The following PALLD variants were observed in gnomAD, a reference collection of about 807,000 sequenced individuals.
The protein encoded by PALLD is palladin, cytoskeletal associated protein.
PALLD carries 61 observed loss-of-function variants against 123.5 expected under a neutral mutation model. The observed-to-expected ratio is 0.49, with a 90% CI of 0.40 to 0.61. The LOEUF is 0.61. Ranked by LOEUF, PALLD falls within the 20% of genes least tolerant of loss-of-function variation. The probability of loss-of-function intolerance (pLI) is 0.00; values close to 1 mark genes in which losing one functional copy is unlikely to be tolerated. For synonymous variants in PALLD, 465 were observed against 496.4 expected (o/e 0.94, Z 0.84); for missense variants, 1,273 against 1,377.0 (o/e 0.92, Z 1.20).
intron 19 of PALLD, among the ~76,000 whole-genome samples, 153 bp from the exon 20 acceptor site, chr4:168,924,792 T>C (rs1342690032): frequency 9.2e-5 from 14 of 152,252 alleles, no homozygotes; most frequent in Admixed American, 8.5e-4. Flanking sequence ...CCATTAACTT[T>C]AATGGAGCTA....
rs1296544119 is a variant in PALLD, at chr4:168,926,424, A to G, written c.*244A>G. ...TTAAAGCTGAAACACTGAAACAGCC[A>G]TTGCCTTGACCAACATATTCCTTTG... On this transcript the variant is annotated 3_prime_UTR_variant, in exon 22 of 22. Transcript: ENST00000505667. The G allele has an allele frequency of 6.9e-7, 1 of 1,440,818 alleles. No individual in the cohort carries two copies. Among genetic ancestry groups the G allele is most frequent in the Non-Finnish European group, 9.4e-7 (1 of 1,059,222 alleles). 89.3% of individuals were successfully genotyped at this position (1,440,818 alleles called of 1,614,324 possible). A position where few individuals can be genotyped will look rare whatever the true frequency, so the allele number is the denominator to read the frequency against.
chr4:168,621,436 G>A (rs1774752544), intron 2 of PALLD, among the ~76,000 whole-genome samples: 3 of 152,246 alleles, frequency 2.0e-5, no homozygotes, highest in Non-Finnish European at 1.5e-5. Context: ...CGCTGGGGCC[G>A]CTACGTGACA....
At chr4:168,616,840 G>A (rs1222138982) in intron 2 of PALLD, among the ~76,000 whole-genome samples, 3 of 152,146 alleles carry the variant, frequency 2.0e-5, no homozygotes, top group Non-Finnish European at 4.4e-5. Flanking sequence ...TTCTAGAATG[G>A]AGACTGGCAG....
At position 168,754,623 on chromosome 4, in the gene PALLD, A is replaced by AT. The variant is rs1689162633; in HGVS notation, c.1964+42704dup. 5.3e-5 allele frequency among the ~76,000 whole-genome samples: 8 copies of AT among 152,358 alleles called. No homozygotes were observed. In the South Asian group the frequency reaches 1.7e-3, roughly 32 times the overall value. On this transcript the variant is annotated intron_variant, in intron 10 of 21. Coordinates refer to ENST00000505667, the MANE Select transcript of PALLD (RefSeq NM_001166108.2). ...CAGTCTGAAGAAAAACAATTGTGTGATTTTAGATAAAAACAGGATTCAACC... is the reference window on the plus strand; with the variant it reads ...CAGTCTGAAGAAAAACAATTGTGTGATTTTTAGATAAAAACAGGATTCAACC...
At chr4:168,890,861 G>A (rs771654704) in intron 10 of PALLD, 61 bp from the exon 11 acceptor site, 25 of 1,580,750 alleles carry the variant, frequency 1.6e-5, no homozygotes, top group East Asian at 4.5e-5. Flanking sequence ...GGACTTGAAC[G>A]TTTGACTTGG....
intron 11 of PALLD, among the ~76,000 whole-genome samples, chr4:168,893,091 A>G (rs980534626): frequency 1.3e-5 from 2 of 152,232 alleles, no homozygotes; most frequent in African/African-American, 4.8e-5. Flanking sequence ...TAGTGGTAGC[A>G]GGTGCATTCT....
intron 10 of PALLD, among the ~76,000 whole-genome samples, chr4:168,873,865 G>T (rs1041265939): frequency 6.6e-6 from 1 of 152,158 alleles, no homozygotes; most frequent in Non-Finnish European, 1.5e-5. Flanking sequence ...GTGCCCTATG[G>T]CTTCGTGATG....
rs1451496434 is a variant in PALLD at position 168,566,292 on chromosome 4, AATTT to A, written c.908+53893_908+53896del. On this transcript the variant is annotated intron_variant, in intron 2 of 21. Coordinates refer to ENST00000505667, the MANE Select transcript of PALLD (RefSeq NM_001166108.2). ...TTTATCTATACTAATCAATTCCACTAATTTATTTATTTATTTTTAATTTTGAGAC... is the reference window on the plus strand; with the variant it reads ...TTTATCTATACTAATCAATTCCACTAATTTATTTATTTTTAATTTTGAGAC... Among the ~76,000 whole-genome samples the A allele has an allele frequency of 2.6e-5, 4 of 152,032 alleles. No individual in the cohort carries two copies. The East Asian group carries it at 5.8e-4, about 22-fold the overall frequency.
chr4:168,694,969 G>A (rs901932127), intron 8 of PALLD, among the ~76,000 whole-genome samples: 3 of 152,174 alleles, frequency 2.0e-5, no homozygotes, highest in East Asian at 1.9e-4. Context: ...TTTGACAGCT[G>A]TTAATACTCA....
chr4:168,711,024 A>G (rs987688853), intron 9 of PALLD, among the ~76,000 whole-genome samples: 41 of 152,304 alleles, frequency 2.7e-4, no homozygotes, highest in Admixed American at 1.6e-3. Flanking sequence ...CTTTCAGCCT[A>G]TTGAGGGCAA....
intron 2 of PALLD, among the ~76,000 whole-genome samples, chr4:168,583,489 G>T (rs1223941908): frequency 1.4e-4 from 22 of 152,096 alleles, no homozygotes; most frequent in Non-Finnish European, 2.9e-4. Context: ...TACTGATACT[G>T]CTGGTCTGCA....
intron 9 of PALLD, among the ~76,000 whole-genome samples, chr4:168,709,934 A>C (rs1045514016): frequency 6.6e-6 from 1 of 152,100 alleles, no homozygotes; most frequent in African/African-American, 2.4e-5. Flanking sequence ...TTGGAAAGCC[A>C]CCTCTGCATC....
chr4:168,635,518 C>T (rs1171447500), intron 2 of PALLD, among the ~76,000 whole-genome samples: 2 of 152,230 alleles, frequency 1.3e-5, no homozygotes, highest in African/African-American at 4.8e-5. Flanking sequence ...CACTCTGTGG[C>T]TCAGGTTCAT....
At chr4:168,709,920 C>T (rs1784674248) in intron 9 of PALLD, among the ~76,000 whole-genome samples, 1 of 152,066 alleles carries the variant, frequency 6.6e-6, no homozygotes, top group African/African-American at 2.4e-5. Context: ...GAATCATATT[C>T]ACATTGGAAA....
intron 2 of PALLD, among the ~76,000 whole-genome samples, chr4:168,617,659 G>C (rs1324770595): frequency 6.6e-6 from 1 of 152,176 alleles, no homozygotes; most frequent in Admixed American, 6.6e-5. Context: ...GTGCATTTCA[G>C]TAAATTGCCC....
At chr4:168,556,506 G>T (rs940069600) in intron 2 of PALLD, among the ~76,000 whole-genome samples, 1 of 152,130 alleles carries the variant, frequency 6.6e-6, no homozygotes, top group Admixed American at 6.5e-5. Flanking sequence ...TTAAAAATGG[G>T]CTTTCCGGAA....
At chr4:168,591,950 C>T (rs901032611) in intron 2 of PALLD, among the ~76,000 whole-genome samples, 2 of 151,404 alleles carry the variant, frequency 1.3e-5, no homozygotes, top group Admixed American at 6.6e-5. Flanking sequence ...GAAATAACTT[C>T]CAAAATATGG....
chr4:168,504,020 G>A (rs565586719), intron 1 of PALLD, among the ~76,000 whole-genome samples: 3 of 152,200 alleles, frequency 2.0e-5, no homozygotes, highest in South Asian at 4.2e-4. Flanking sequence ...AAATTATCAC[G>A]CTCCTCCTTG....
intron 3 of PALLD, among the ~76,000 whole-genome samples, chr4:168,678,771 GTA>G (rs1326984533): frequency 3.8e-5 from 5 of 133,324 alleles, no homozygotes; most frequent in South Asian, 2.2e-4. Context: ...GATCAGAGGG[GTA>G]TGTGTGTGTG....
Sources: allele counts gnomAD v4.1 joint callset (sites outside exome capture counted in the v4.1 genomes callset), GRCh38; gene constraint gnomAD v4.1.1; transcripts MANE v1.5; gene names NCBI Gene and HGNC (gene_info 2026-07-23, HGNC 2026-07-21).